Variants in BTBD8 observed in about 807,000 individuals in gnomAD.
BTBD8 encodes BTB domain containing 8.
In BTBD8, 110 loss-of-function variants were observed where a neutral mutation model predicts 162.9. That is an observed-to-expected ratio of 0.68 (90% confidence interval 0.58 to 0.79). The LOEUF (loss-of-function observed/expected upper bound fraction) is 0.79. Among genes scored for constraint, BTBD8 ranks in the 30% least tolerant of loss-of-function variants. The pLI, the probability that BTBD8 is intolerant of heterozygous loss-of-function variation, is 0.00. For missense variants in BTBD8, 1,905 were observed against 2,085.4 expected (o/e 0.91, Z 1.68); for synonymous variants, 667 against 716.1 (o/e 0.93, Z 1.10).
chr1:92,091,599 A>G (rs1220576296), intron 2 of BTBD8, among the ~76,000 whole-genome samples: 1 of 151,626 alleles, frequency 6.6e-6, no homozygotes, highest in Non-Finnish European at 1.5e-5. Flanking sequence ...CAGTGGCGCA[A>G]TCTCGGCTCA....
At chr1:92,121,394 T>G (rs1649205643) in intron 4 of BTBD8, among the ~76,000 whole-genome samples, 1 of 152,238 alleles carries the variant, frequency 6.6e-6, no homozygotes, top group African/African-American at 2.4e-5. Flanking sequence ...TATGTTGACT[T>G]TATAAAATGA....
At position 92,175,477 on chromosome 1, in the gene BTBD8, C is replaced by CAAA. The variant is rs71091265; in HGVS notation, c.1636-1332_1636-1330dup. 3.8e-3 allele frequency among the ~76,000 whole-genome samples: 141 copies of CAAA among 37,420 alleles called. 21 individuals are homozygous for CAAA. Among genetic ancestry groups the CAAA allele is most frequent in the African/African-American group, 0.012 (124 of 10,250 alleles). The allele number at this position is 37,420 out of a possible 152,430, so 24.5% of individuals were successfully genotyped here. A position where few individuals can be genotyped will look rare whatever the true frequency, so the allele number is the denominator to read the frequency against. ...CTGGCAACAGAGCAAGACTCCATCTCAAAAAAAAAAAAAAAAAAAAAAGAA... is the reference window on the plus strand; with the variant it reads ...CTGGCAACAGAGCAAGACTCCATCTCAAAAAAAAAAAAAAAAAAAAAAAAAGAA... On this transcript the variant is annotated intron_variant, in intron 13 of 17. Transcript: ENST00000636805.
intron 13 of BTBD8, among the ~76,000 whole-genome samples, chr1:92,176,348 C>T (rs557734943): frequency 2.0e-5 from 3 of 152,232 alleles, no homozygotes; most frequent in African/African-American, 7.2e-5. Flanking sequence ...AAATCACATA[C>T]CTACTTTAAT....
At chr1:92,118,017 C>T (rs755661348) in intron 4 of BTBD8, among the ~76,000 whole-genome samples, 39 of 151,850 alleles carry the variant, frequency 2.6e-4, no homozygotes, top group Non-Finnish European at 3.7e-4. Context: ...TAGAACAGTT[C>T]CAGATTTATG....
chr1:92,149,183 G>A (rs1217711056), intron 9 of BTBD8, among the ~76,000 whole-genome samples: 2 of 152,118 alleles, frequency 1.3e-5, no homozygotes, highest in Non-Finnish European at 2.9e-5. Flanking sequence ...TTCTTAATAT[G>A]TTTGTCTATA....
At chr1:92,102,830 A>G (rs992202673) in intron 3 of BTBD8, among the ~76,000 whole-genome samples, 161 bp downstream of exon 3, 3 of 152,146 alleles carry the variant, frequency 2.0e-5, no homozygotes, top group Non-Finnish European at 4.4e-5. Context: ...GTTTTTCCCA[A>G]GTAATTGGAG....
intron 9 of BTBD8, 113 bp downstream of exon 9, chr1:92,147,899 G>A (rs1051583674): frequency 1.1e-6 from 1 of 896,714 alleles, no homozygotes. Context: ...AAAGCAAGAG[G>A]CGTGAACCAA....
At chr1:92,093,049 G>A (rs1468087969) in intron 2 of BTBD8, among the ~76,000 whole-genome samples, 1 of 151,946 alleles carries the variant, frequency 6.6e-6, no homozygotes, top group South Asian at 2.1e-4. Flanking sequence ...ATGGAAAATT[G>A]CCTAACCTTG....
intron 4 of BTBD8, among the ~76,000 whole-genome samples, 187 bp from the exon 5 acceptor site, chr1:92,129,499 CA>C (rs371452583): frequency 9.9e-5 from 14 of 141,456 alleles, no homozygotes; most frequent in African/African-American, 1.6e-4. Flanking sequence ...AAACAAAAAA[CA>C]AAAAAAAAAC....
At chr1:92,104,848 A>T (rs1648682679) in intron 3 of BTBD8, among the ~76,000 whole-genome samples, 1 of 151,462 alleles carries the variant, frequency 6.6e-6, no homozygotes, top group Non-Finnish European at 1.5e-5. Flanking sequence ...TCATTTTTCT[A>T]CCCCTTAAAT....
intron 9 of BTBD8, 37 bp downstream of exon 9, chr1:92,147,823 A>G (rs1216794732): frequency 6.5e-7 from 1 of 1,527,842 alleles, no homozygotes; most frequent in Non-Finnish European, 8.9e-7. Context: ...TGTGTTTGCC[A>G]TTAAAAAGTT....
At chr1:92,131,638 C>T (rs1309093684) in intron 5 of BTBD8, among the ~76,000 whole-genome samples, 1 of 151,208 alleles carries the variant, frequency 6.6e-6, no homozygotes, top group African/African-American at 2.4e-5. Context: ...GCAGGAGAAT[C>T]GCTTGAACTG....
At chr1:92,156,034 G>A (rs1650153444) in intron 9 of BTBD8, among the ~76,000 whole-genome samples, 1 of 152,090 alleles carries the variant, frequency 6.6e-6, no homozygotes, top group African/African-American at 2.4e-5. Context: ...AGTTTTCAGG[G>A]TAAACCTTGA....
In BTBD8 at chr1:92,177,362, A is replaced by T; in HGVS notation, c.2169A>T (p.Ala723=). ...TGKDSPCLSI[A]GPSSRSTDSS... Reference sequence around the variant, plus strand: ...AGGATTCACCATGCCTCAGCATCGCAGGACCCTCCAGCAGATCCACAGATT... The same window carrying T: ...AGGATTCACCATGCCTCAGCATCGCTGGACCCTCCAGCAGATCCACAGATT... The change falls in exon 14 of 18, where the codon GCA becomes GCT. Residue 723 remains alanine (A), a synonymous_variant. Coordinates refer to ENST00000636805, the MANE Select transcript of BTBD8 (RefSeq NM_001376131.1). 1 of 1,551,820 alleles carries T rather than the reference A, an allele frequency of 6.4e-7. No individual in the cohort carries two copies. The highest frequency in any genetic ancestry group is 8.7e-7 in the Non-Finnish European group (1 of 1,147,022).
rs1355343682 is a variant in BTBD8 at position 92,167,856 on chromosome 1, A to G, written c.1314A>G (p.Ala438=). 1 of 1,548,660 alleles carries G rather than the reference A, an allele frequency of 6.5e-7. No individual in the cohort carries two copies. Among genetic ancestry groups the G allele is most frequent in the Non-Finnish European group, 8.7e-7 (1 of 1,145,130 alleles). Residue 438 remains alanine (A), a synonymous_variant, in exon 11 of 18, where the codon GCA becomes GCG. Coordinates refer to ENST00000636805, the MANE Select transcript of BTBD8 (RefSeq NM_001376131.1). Reference sequence around the variant, plus strand: ...ATTTCTGTGTTTTATAGTCACAAGCAATGAGCAGCACAGCCGATCTGTTGG... The same window carrying G: ...ATTTCTGTGTTTTATAGTCACAAGCGATGAGCAGCACAGCCGATCTGTTGG... The part of the protein sequence containing the change: ...ENFALLLQSQ[A]MSSTADLLDT...
chr1:92,101,475 G>T (rs931826084), intron 2 of BTBD8, among the ~76,000 whole-genome samples: 1 of 152,100 alleles, frequency 6.6e-6, no homozygotes, highest in Non-Finnish European at 1.5e-5. Context: ...GACAGCTCCC[G>T]CAGGCACACT....
At position 92,150,106 on chromosome 1, in the gene BTBD8, T is replaced by C. The variant is rs116532907; in HGVS notation, c.1122+2320T>C. On this transcript the variant is annotated intron_variant, in intron 9 of 17. Coordinates refer to ENST00000636805, the MANE Select transcript of BTBD8 (RefSeq NM_001376131.1). ...TGCACCGATGTCATTGATGGGTCCT[T>C]GGAATCTTAGAATCTTGGAATCTAA... 4.4e-3 allele frequency among the ~76,000 whole-genome samples: 668 copies of C among 152,344 alleles called. 3 individuals carry two copies. Among genetic ancestry groups the C allele is most frequent in the African/African-American group, 0.016 (648 of 41,580 alleles).
chr1:92,100,655 G>A (rs1400416540), intron 2 of BTBD8, among the ~76,000 whole-genome samples: 1 of 152,012 alleles, frequency 6.6e-6, no homozygotes, highest in African/African-American at 2.4e-5. Context: ...TGTCACCCAG[G>A]CTGGAGTACA....
At chr1:92,149,486 G>A (rs1329218399) in intron 9 of BTBD8, among the ~76,000 whole-genome samples, 3 of 152,186 alleles carry the variant, frequency 2.0e-5, no homozygotes, top group Admixed American at 6.5e-5. Flanking sequence ...TTTAAGAGAT[G>A]TATATAGTTG....
Sources: gnomAD v4.1 joint callset for allele counts (sites outside exome capture counted in the v4.1 genomes callset) on GRCh38, gnomAD v4.1.1 for gene constraint, MANE v1.5 for transcripts, NCBI Gene and HGNC (gene_info 2026-07-23, HGNC 2026-07-21) for gene names.